AKAP13: variants seen among roughly 807,000 people sequenced by gnomAD.
AKAP13 encodes the protein A-kinase anchoring protein 13.
AKAP13 carries 80 observed loss-of-function variants against 264.5 expected under a neutral mutation model. The ratio of observed to expected loss-of-function variants is 0.30; its 90% confidence interval spans 0.25 to 0.36. The LOEUF is 0.36. Ranked by LOEUF, AKAP13 falls within the 10% of genes least tolerant of loss-of-function variation. AKAP13 has a pLI of 1.00. For synonymous variants in AKAP13, 1,380 were observed against 1,250.2 expected (o/e 1.10, Z -2.19); for missense variants, 3,712 against 3,435.2 (o/e 1.08, Z -2.01).
Position 85,744,807 on chromosome 15 carries a change from C to T in AKAP13, c.*130C>T, listed in dbSNP as rs2151796046. 1 of 822,496 alleles carries T rather than the reference C, an allele frequency of 1.2e-6. No homozygotes were observed. The highest frequency in any genetic ancestry group is 2.7e-5 in the East Asian group (1 of 37,126). The allele number at this position is 822,496 out of a possible 1,614,324, so 50.9% of individuals were successfully genotyped here. On this transcript the variant is annotated 3_prime_UTR_variant, in exon 37 of 37. Coordinates refer to ENST00000394518, the MANE Select transcript of AKAP13 (RefSeq NM_007200.5). ...TCAGCGTCCAGTCCTCCTGGGCGGCCCCAGGTCCTGGACAATAAGCAACAG... is the reference window on the plus strand; with the variant it reads ...TCAGCGTCCAGTCCTCCTGGGCGGCTCCAGGTCCTGGACAATAAGCAACAG...
intron 12 of AKAP13, among the ~76,000 whole-genome samples, chr15:85,660,574 A>G (rs564375250): frequency 6.6e-6 from 1 of 152,278 alleles, no homozygotes; most frequent in Admixed American, 6.5e-5. Context: ...TTTCTAAAAA[A>G]GAAGTTGGAT....
chr15:85,520,992 A>G (rs1342681418), intron 2 of AKAP13, among the ~76,000 whole-genome samples: 2 of 152,230 alleles, frequency 1.3e-5, no homozygotes, highest in African/African-American at 4.8e-5. Flanking sequence ...TTAGAGAATT[A>G]TTGTCAACTG....
At chr15:85,710,766 G>A in intron 19 of AKAP13, 121 bp downstream of exon 19, 6 of 1,106,100 alleles carry the variant, frequency 5.4e-6, no homozygotes, top group African/African-American at 1.6e-5. Flanking sequence ...TTTGTGGTAA[G>A]TGAGAGAAGG....
chr15:85,676,260 A>T (rs533682916), intron 14 of AKAP13, among the ~76,000 whole-genome samples: 1 of 152,320 alleles, frequency 6.6e-6, no homozygotes, highest in South Asian at 2.1e-4. Flanking sequence ...CAATGTCCTA[A>T]ACCAAGGCAG....
intron 1 of AKAP13, among the ~76,000 whole-genome samples, chr15:85,385,199 A>G (rs2070493188): frequency 6.6e-6 from 1 of 152,210 alleles, no homozygotes; most frequent in Non-Finnish European, 1.5e-5. Flanking sequence ...AACCAACTGC[A>G]GTTATTCACA....
At position 85,710,521 on chromosome 15, in the gene AKAP13, G is replaced by A. The variant is rs369260556; in HGVS notation, c.5533-58G>A. 574 of 1,554,082 alleles carry A rather than the reference G, an allele frequency of 3.7e-4. 2 individuals are homozygous for A. Among genetic ancestry groups the A allele is most frequent in the Non-Finnish European group, 4.7e-4 (535 of 1,135,020 alleles). ...TGAACTGCTTGCTCCCTTCCTACTC[G>A]GCTTCTCAGGGCTTGTCAGAGGTGA... On this transcript the variant is annotated intron_variant, in intron 18 of 36. Coordinates refer to ENST00000394518, the MANE Select transcript of AKAP13 (RefSeq NM_007200.5).
At chr15:85,410,522 C>T (rs904359640) in intron 1 of AKAP13, among the ~76,000 whole-genome samples, 31 of 151,744 alleles carry the variant, frequency 2.0e-4, no homozygotes, top group African/African-American at 6.3e-4. Context: ...TGACCTTAAC[C>T]CCCCTTTGCA....
At chr15:85,499,062 G>T (rs2075968970) in intron 2 of AKAP13, among the ~76,000 whole-genome samples, 1 of 152,190 alleles carries the variant, frequency 6.6e-6, no homozygotes, top group African/African-American at 2.4e-5. Flanking sequence ...AGCAGTGGTT[G>T]CCTGTAAAGA....
At chr15:85,657,441 A>G (rs144936095) in intron 11 of AKAP13, among the ~76,000 whole-genome samples, 27 of 152,320 alleles carry the variant, frequency 1.8e-4, no homozygotes, top group African/African-American at 6.5e-4. Context: ...CATTTCTGAT[A>G]TAATTTTTCA....
intron 2 of AKAP13, among the ~76,000 whole-genome samples, chr15:85,488,183 C>T (rs538180544): frequency 1.3e-5 from 2 of 152,300 alleles, no homozygotes; most frequent in African/African-American, 4.8e-5. Flanking sequence ...CCTGCCTGGC[C>T]TGTTTTAATT....
In AKAP13 at chr15:85,531,118, C is replaced by T. The variant is rs143416570; in HGVS notation, c.182-2466C>T. Among the ~76,000 whole-genome samples the T allele has an allele frequency of 7.2e-3, 1,093 of 152,296 alleles. 7 individuals carry two copies. Among genetic ancestry groups the T allele is most frequent in the Middle Eastern group, 0.014 (4 of 294 alleles). On this transcript the variant is annotated intron_variant, in intron 3 of 36. Transcript: ENST00000394518. ...TCAAGTGATCTGCCTGCCTCGGCCT[C>T]CCAAAGTGCTGGGATTACAGCATGA...
At chr15:85,738,824 G>A (rs998158985) in intron 33 of AKAP13, among the ~76,000 whole-genome samples, 5 of 128,898 alleles carry the variant, frequency 3.9e-5, no homozygotes, top group South Asian at 2.4e-4. Flanking sequence ...CGGCCTGGGC[G>A]ACAGAGCGAG....
intron 9 of AKAP13, among the ~76,000 whole-genome samples, chr15:85,644,233 C>CT (rs72138055): frequency 1.2e-5 from 1 of 86,154 alleles, no homozygotes; most frequent in Non-Finnish European, 2.6e-5. Flanking sequence ...CTTTTATCTT[C>CT]TTTTTTTTTT....
chr15:85,741,640 C>A, intron 35 of AKAP13, 145 bp downstream of exon 35: 1 of 1,262,832 alleles, frequency 7.9e-7, no homozygotes, highest in Non-Finnish European at 1.0e-6. Context: ...CTTTAGGAGG[C>A]TGAGGTGAGA....
At chr15:85,395,409 A>G (rs1013621676) in intron 1 of AKAP13, among the ~76,000 whole-genome samples, 1 of 152,148 alleles carries the variant, frequency 6.6e-6, no homozygotes, top group African/African-American at 2.4e-5. Flanking sequence ...TCTTTGTAAC[A>G]TGAAATACAC....
chr15:85,442,423 A>ATAT (rs55699718), intron 1 of AKAP13, among the ~76,000 whole-genome samples: 2,065 of 105,914 alleles, frequency 0.019, 96 homozygotes, highest in Admixed American at 0.033. Flanking sequence ...AAAAAAAAAA[A>ATAT]ATATATATAT....
chr15:85,463,951 T>C (rs1028259745), intron 1 of AKAP13, among the ~76,000 whole-genome samples: 1 of 152,196 alleles, frequency 6.6e-6, no homozygotes, highest in Middle Eastern at 3.2e-3. Context: ...AATGCATACT[T>C]GTATGCTCAA....
At position 85,724,298 on chromosome 15, in the gene AKAP13, T is replaced by C. The variant is rs192680479; in HGVS notation, c.6745+978T>C. Among the ~76,000 whole-genome samples, 1 of 152,108 alleles carries C rather than the reference T, an allele frequency of 6.6e-6. No homozygotes were observed. Among genetic ancestry groups the C allele is most frequent in the Non-Finnish European group, 1.5e-5 (1 of 68,002 alleles). On this transcript the variant is annotated intron_variant, in intron 26 of 36. Coordinates refer to ENST00000394518, the MANE Select transcript of AKAP13 (RefSeq NM_007200.5). This position sits in a 1 kb window ranked among gnomAD's most constrained non-coding sequence, Gnocchi z 4.2. Reference sequence around the variant, plus strand: ...TAAAGCAGGACACCCTGCTTAGAAGTTGAAATCAAAATGAAGAGCCTTGGA... The same window carrying C: ...TAAAGCAGGACACCCTGCTTAGAAGCTGAAATCAAAATGAAGAGCCTTGGA...
At chr15:85,597,340 G>C (rs1295265905) in intron 8 of AKAP13, among the ~76,000 whole-genome samples, 4 of 152,136 alleles carry the variant, frequency 2.6e-5, no homozygotes, top group African/African-American at 9.7e-5. Context: ...CTCTGTCTTA[G>C]ACATCACCTG....
Sources: gnomAD v4.1 joint callset for allele counts (sites outside exome capture counted in the v4.1 genomes callset) on GRCh38, gnomAD v4.1.1 for gene constraint, Gnocchi (gnomAD v3.1) non-coding constraint, MANE v1.5 for transcripts, NCBI Gene and HGNC (gene_info 2026-07-23, HGNC 2026-07-21) for gene names.